Variants in UBE2W observed in about 807,000 individuals in gnomAD.
The protein encoded by UBE2W is ubiquitin-conjugating enzyme E2 W.
UBE2W carries 18 observed loss-of-function variants against 27.2 expected under a neutral mutation model. The ratio of observed to expected loss-of-function variants is 0.66; its 90% confidence interval spans 0.46 to 0.98. UBE2W has a LOEUF of 0.98. Ranked by LOEUF, UBE2W falls within the 50% of genes least tolerant of loss-of-function variation. UBE2W has a pLI of 0.00. For synonymous variants in UBE2W, 53 were observed against 57.2 expected (o/e 0.93, Z 0.33); for missense variants, 90 against 180.2 (o/e 0.50, Z 2.87).
Position 73,789,081 on chromosome 8 carries a change from C to G in UBE2W, c.*5021G>C, listed in dbSNP as rs1193654709. The stretch of plus-strand genomic sequence containing the variant: ...TTAACATCTCACCAGGATCAAAGAA[C>G]CCTAACTTCAACTTTCAGGATAGAG... On this transcript the variant is annotated 3_prime_UTR_variant, in exon 6 of 6. Coordinates refer to ENST00000602593, the MANE Select transcript of UBE2W (RefSeq NM_018299.6). 11 of 984,878 alleles carry G rather than the reference C, an allele frequency of 1.1e-5. No homozygotes were observed. The highest frequency in any genetic ancestry group is 1.3e-5 in the Non-Finnish European group (11 of 829,864). 61.0% of individuals were successfully genotyped at this position (984,878 alleles called of 1,614,324 possible). A position where few individuals can be genotyped will look rare whatever the true frequency, so the allele number is the denominator to read the frequency against.
intron 5 of UBE2W, among the ~76,000 whole-genome samples, chr8:73,803,976 C>T (rs1032339649): frequency 1.3e-5 from 2 of 151,602 alleles, no homozygotes; most frequent in African/African-American, 4.8e-5. Context: ...CCGTGTTAGC[C>T]AGGATGGTCT....
chr8:73,816,774 T>G (rs1313540848), intron 3 of UBE2W, among the ~76,000 whole-genome samples: 2 of 152,234 alleles, frequency 1.3e-5, no homozygotes, highest in Non-Finnish European at 2.9e-5. Context: ...GGCTCAAGCC[T>G]GTAATCCCAG....
In UBE2W at chr8:73,786,370, T is replaced by C. The variant is rs188007710; in HGVS notation, c.*7732A>G. On this transcript the variant is annotated 3_prime_UTR_variant, in exon 6 of 6. Transcript: ENST00000602593. ...CTAAGTTTCTTTGAGAAAGCTAGGA[T>C]AAAAATACAAGCATAACCAAGTTAA... 4.9e-5 allele frequency: 48 copies of C among 985,436 alleles called. No homozygotes were observed. Among genetic ancestry groups the C allele is most frequent in the Non-Finnish European group, 5.8e-5 (48 of 829,932 alleles). The allele number at this position is 985,436 out of a possible 1,614,324, so 61.0% of individuals were successfully genotyped here. A position where few individuals can be genotyped will look rare whatever the true frequency, so the allele number is the denominator to read the frequency against.
At chr8:73,854,222 A>G (rs908462721) in intron 1 of UBE2W, among the ~76,000 whole-genome samples, 2 of 152,176 alleles carry the variant, frequency 1.3e-5, no homozygotes, top group African/African-American at 4.8e-5. Flanking sequence ...AATTTATACT[A>G]AAGAATACCA....
chr8:73,806,946 T>C (rs1021033687), intron 4 of UBE2W, among the ~76,000 whole-genome samples: 17 of 152,204 alleles, frequency 1.1e-4, no homozygotes, highest in Admixed American at 9.2e-4. Flanking sequence ...ATGAGAAATA[T>C]ATGGCAGCTC....
At chr8:73,794,788 A>C (rs1377911385) in intron 5 of UBE2W, among the ~76,000 whole-genome samples, 1 of 150,166 alleles carries the variant, frequency 6.7e-6, no homozygotes, top group African/African-American at 2.5e-5. Context: ...CGGTAGTCTC[A>C]GCTACTCAGG....
intron 1 of UBE2W, among the ~76,000 whole-genome samples, chr8:73,856,574 C>T (rs962088267): frequency 2.0e-5 from 3 of 151,174 alleles, no homozygotes; most frequent in Non-Finnish European, 4.4e-5. Context: ...TGGTCTGGCT[C>T]GAACTCCTGA....
intron 5 of UBE2W, among the ~76,000 whole-genome samples, chr8:73,800,897 A>G (rs1808609463): frequency 6.6e-6 from 1 of 152,156 alleles, no homozygotes; most frequent in African/African-American, 2.4e-5. Flanking sequence ...GTTCAAGACC[A>G]GCCTGACCAA....
intron 3 of UBE2W, among the ~76,000 whole-genome samples, chr8:73,822,928 C>A (rs553306961): frequency 1.3e-5 from 2 of 152,110 alleles, no homozygotes; most frequent in Admixed American, 1.3e-4. Context: ...TGGACAGTAA[C>A]CCAGGATAAA....
At chr8:73,871,881 CTTTA>C (rs561467348) in intron 1 of UBE2W, among the ~76,000 whole-genome samples, 6 of 152,092 alleles carry the variant, frequency 3.9e-5, no homozygotes, top group East Asian at 1.9e-4. Context: ...TGCAGCGGCA[CTTTA>C]TTTTTTATTT....
intron 3 of UBE2W, among the ~76,000 whole-genome samples, chr8:73,816,978 G>A (rs1246209247): frequency 1.3e-5 from 2 of 152,044 alleles, no homozygotes; most frequent in African/African-American, 4.8e-5. Context: ...AGGTTGCAGT[G>A]AGCCAAGATT....
intron 1 of UBE2W, among the ~76,000 whole-genome samples, chr8:73,849,815 G>C (rs1392504359): frequency 2.0e-5 from 3 of 151,968 alleles, no homozygotes; most frequent in Non-Finnish European, 2.9e-5. Context: ...GAATGGTTCA[G>C]AGTCAAAGGA....
chr8:73,857,854 C>A (rs759593296), intron 1 of UBE2W, among the ~76,000 whole-genome samples: 12 of 151,868 alleles, frequency 7.9e-5, no homozygotes, highest in Non-Finnish European at 1.3e-4. Context: ...AATAAAAAAA[C>A]CTTTTGCTTC....
At chr8:73,846,426 T>C (rs1009522770) in intron 1 of UBE2W, among the ~76,000 whole-genome samples, 9 of 152,110 alleles carry the variant, frequency 5.9e-5, no homozygotes, top group African/African-American at 1.7e-4. Flanking sequence ...AAAAACTCTT[T>C]GGGGCAGATG....
At chr8:73,814,511 T>C (rs754207351) in intron 3 of UBE2W, among the ~76,000 whole-genome samples, 3 of 152,212 alleles carry the variant, frequency 2.0e-5, no homozygotes, top group African/African-American at 4.8e-5. Flanking sequence ...AAGTTTGAAG[T>C]TGCATTAGAA....
intron 3 of UBE2W, among the ~76,000 whole-genome samples, chr8:73,819,238 T>A: frequency 6.6e-6 from 1 of 152,172 alleles, no homozygotes; most frequent in South Asian, 2.1e-4. Context: ...TCCCTCACCA[T>A]CTTCCATACT....
intron 1 of UBE2W, among the ~76,000 whole-genome samples, chr8:73,873,820 G>A (rs768380208): frequency 3.3e-5 from 5 of 152,152 alleles, no homozygotes; most frequent in South Asian, 2.1e-4. Flanking sequence ...AGGTAAGAGA[G>A]GAAGTAAATG....
chr8:73,781,365 T>G (rs1412216937), downstream of UBE2W, among the ~76,000 whole-genome samples: 4 of 152,042 alleles, frequency 2.6e-5, no homozygotes, highest in African/African-American at 9.7e-5. Context: ...CACTAAATAT[T>G]TCACTATCAT....
downstream of UBE2W, among the ~76,000 whole-genome samples, chr8:73,784,507 A>G (rs1053255993): frequency 2.0e-5 from 3 of 152,132 alleles, no homozygotes; most frequent in African/African-American, 7.2e-5. Flanking sequence ...CTGGCTGTTA[A>G]TCATGGTGTC....
Sources: allele counts gnomAD v4.1 joint callset (sites outside exome capture counted in the v4.1 genomes callset), GRCh38; gene constraint gnomAD v4.1.1; transcripts MANE v1.5; gene names NCBI Gene and HGNC (gene_info 2026-07-23, HGNC 2026-07-21).